SBNO2: variants seen among roughly 807,000 people sequenced by gnomAD.
The protein encoded by SBNO2 is strawberry notch homolog 2.
SBNO2 carries 89 observed loss-of-function variants against 146.3 expected under a neutral mutation model. The ratio of observed to expected loss-of-function variants is 0.61; its 90% confidence interval spans 0.51 to 0.73. The LOEUF (loss-of-function observed/expected upper bound fraction) is 0.73, where lower values mean the gene tolerates loss of function less well. Among genes scored for constraint, SBNO2 ranks in the 30% least tolerant of loss-of-function variants. SBNO2 has a pLI of 0.00. For synonymous variants in SBNO2, 1,147 were observed against 892.6 expected, an observed-to-expected ratio of 1.29 and a Z score of -5.08; for missense variants, 2,092 against 2,003.7, an observed-to-expected ratio of 1.04 and a Z score of -0.84.
chr19:1,170,361 A>G (rs1599891679), intron 1 of SBNO2, among the ~76,000 whole-genome samples: 1 of 152,186 alleles, frequency 6.6e-6, no homozygotes, highest in South Asian at 2.1e-4. Context: ...TCCCAGCCCG[A>G]GGGTGCAGGT....
intron 4 of SBNO2, among the ~76,000 whole-genome samples, chr19:1,141,249 C>G (rs1352458477): frequency 6.6e-6 from 1 of 151,716 alleles, no homozygotes; most frequent in African/African-American, 2.4e-5. Context: ...GAGTCTTGCT[C>G]TGTCACCCAG....
intron 4 of SBNO2, among the ~76,000 whole-genome samples, chr19:1,129,294 G>A (rs544923638): frequency 2.0e-5 from 3 of 152,102 alleles, no homozygotes; most frequent in Admixed American, 2.0e-4. Flanking sequence ...AAAAAAACCA[G>A]GCATGTCAAG....
In SBNO2 at chr19:1,110,510, C is replaced by T. The variant is rs1015207390; in HGVS notation, c.3028+235G>A. On this transcript the variant is annotated intron_variant, in intron 26 of 31. Coordinates refer to ENST00000361757, the MANE Select transcript of SBNO2 (RefSeq NM_014963.3). This position sits in a 1 kb window ranked among gnomAD's most constrained non-coding sequence, Gnocchi z 4.9. ...CCACGAGCCCCTTGCCCACCTAGGC[C>T]CTCGCCGTGCTCACCCACAATGCAC... Among the ~76,000 whole-genome samples, 6 of 151,662 alleles carry T rather than the reference C, an allele frequency of 4.0e-5. No homozygotes were observed. Among genetic ancestry groups the T allele is most frequent in the African/African-American group, 1.5e-4 (6 of 41,264 alleles).
intron 4 of SBNO2, among the ~76,000 whole-genome samples, chr19:1,142,967 G>GA (rs913747561): frequency 5.9e-5 from 9 of 151,820 alleles, no homozygotes; most frequent in Admixed American, 5.3e-4. Context: ...TCGGTCTCCA[G>GA]AAAAAAAAGT....
At chr19:1,118,821 G>A (rs992597741) in intron 14 of SBNO2, among the ~76,000 whole-genome samples, 190 bp downstream of exon 14, 3 of 152,014 alleles carry the variant, frequency 2.0e-5, no homozygotes. Flanking sequence ...GCAGTGAACT[G>A]AGATCACACC....
chr19:1,142,433 G>A (rs1448234912), intron 4 of SBNO2, among the ~76,000 whole-genome samples: 1 of 152,246 alleles, frequency 6.6e-6, no homozygotes, highest in African/African-American at 2.4e-5. Context: ...TCAGGGCTCA[G>A]GTGTATCAAT....
intron 1 of SBNO2, among the ~76,000 whole-genome samples, chr19:1,165,729 T>C (rs74176365): frequency 0.022 from 130 of 5,846 alleles, no homozygotes; most frequent in Admixed American, 0.037. Flanking sequence ...ACCCCAGATC[T>C]CAGACTCCAG....
chr19:1,148,148 A>G (rs1432743517), intron 3 of SBNO2, among the ~76,000 whole-genome samples: 1 of 151,910 alleles, frequency 6.6e-6, no homozygotes, highest in African/African-American at 2.4e-5. Context: ...CAGGGCTGGC[A>G]GCAGGTCCAG....
At chr19:1,116,798 C>A (rs367860432) in intron 16 of SBNO2, 31 bp downstream of exon 16, 1 of 1,537,058 alleles carries the variant, frequency 6.5e-7, no homozygotes. Context: ...GCGCAGGAAG[C>A]CCACAGTCCT....
intron 4 of SBNO2, among the ~76,000 whole-genome samples, chr19:1,142,548 C>T (rs574534764): frequency 7.3e-5 from 11 of 151,548 alleles, no homozygotes; most frequent in East Asian, 2.0e-4. Context: ...GGCGTGGTGG[C>T]GCACACCTAT....
chr19:1,169,834 G>A (rs769259710), intron 1 of SBNO2, among the ~76,000 whole-genome samples: 6 of 152,132 alleles, frequency 3.9e-5, no homozygotes, highest in Admixed American at 6.5e-5. Flanking sequence ...ATGACTCAAC[G>A]GTTTCAACGT....
rs575561785 is a variant in SBNO2 at position 1,126,713 on chromosome 19, C to T, written c.441+891G>A. On this transcript the variant is annotated intron_variant, in intron 5 of 31. Coordinates refer to ENST00000361757, the MANE Select transcript of SBNO2 (RefSeq NM_014963.3). The surrounding 1 kb of genome is among the most constrained non-coding windows in gnomAD (Gnocchi z 4.4). Reference sequence around the variant, plus strand: ...TGTGAGCCCACCACTGTGCCGGGAGCGTGCGGAGGCTGGCATGGGCCCTCA... The same window carrying T: ...TGTGAGCCCACCACTGTGCCGGGAGTGTGCGGAGGCTGGCATGGGCCCTCA... 1.5e-4 allele frequency among the ~76,000 whole-genome samples: 23 copies of T among 152,314 alleles called. No homozygotes were observed. The highest frequency in any genetic ancestry group is 6.8e-3 in the Middle Eastern group (2 of 294).
Position 1,110,857 on chromosome 19 carries a change from G to A in SBNO2, c.2916C>T (p.Ile972=), listed in dbSNP as rs2145188601. Residue 972 remains isoleucine (I), a synonymous_variant, in exon 26 of 32, where the codon ATC becomes ATT. Coordinates refer to ENST00000361757, the MANE Select transcript of SBNO2 (RefSeq NM_014963.3). This position sits in a 1 kb window ranked among gnomAD's most constrained non-coding sequence, Gnocchi z 4.9. ...DCSITKFLNR[I]LGLEVHKQNA... ...TCTGCTTGTGCACCTCCAGCCCCAG[G>A]ATGCGGTTCAGGAACTTGGTGATGG... 6.2e-7 allele frequency: 1 copy of A among 1,613,750 alleles called. No individual in the cohort carries two copies. The highest frequency in any genetic ancestry group is 8.5e-7 in the Non-Finnish European group (1 of 1,179,764).
chr19:1,171,851 C>T (rs1225604568), intron 1 of SBNO2, among the ~76,000 whole-genome samples: 1 of 152,186 alleles, frequency 6.6e-6, no homozygotes, highest in Non-Finnish European at 1.5e-5. Context: ...CATGGTCACG[C>T]GGCTGGAGAA....
rs562258656 is a variant in SBNO2 at position 1,140,372 on chromosome 19, C to T, written c.279+6937G>A. 3.9e-5 allele frequency among the ~76,000 whole-genome samples: 6 copies of T among 152,100 alleles called. No individual in the cohort carries two copies. The South Asian group carries it at 1.2e-3, about 32-fold the overall frequency. On this transcript the variant is annotated intron_variant, in intron 4 of 31. Coordinates refer to ENST00000361757, the MANE Select transcript of SBNO2 (RefSeq NM_014963.3). This position sits in a 1 kb window ranked among gnomAD's most constrained non-coding sequence, Gnocchi z 4.4. ...ACCACGGTTCACCTGCACACCGCGGCAGGGGGCCCCACCAGGACACACGGG... is the reference window on the plus strand; with the variant it reads ...ACCACGGTTCACCTGCACACCGCGGTAGGGGGCCCCACCAGGACACACGGG...
In SBNO2 at chr19:1,157,201, C is replaced by A. The variant is rs1358491854; in HGVS notation, c.-126-2799G>T. On this transcript the variant is annotated intron_variant, in intron 1 of 31. Transcript: ENST00000361757. This position sits in a 1 kb window ranked among gnomAD's most constrained non-coding sequence, Gnocchi z 6.8. ...ACCCTTCCCCCATTGACTCCGCCGC[C>A]GTTTCTTGCAGCAGCTGTGACCACG... Among the ~76,000 whole-genome samples the A allele has an allele frequency of 6.6e-6, 1 of 152,158 alleles. No homozygotes were observed. The highest frequency in any genetic ancestry group is 6.5e-5 in the Admixed American group (1 of 15,278).
intron 14 of SBNO2, among the ~76,000 whole-genome samples, chr19:1,117,784 G>A (rs760699098): frequency 1.3e-5 from 2 of 152,252 alleles, no homozygotes; most frequent in African/African-American, 4.8e-5. Context: ...CAGGGTGCTC[G>A]CAGCCACGCC....
rs1347577182 is a variant in SBNO2, at chr19:1,112,178, C to T, written c.2628+11G>A. The stretch of plus-strand genomic sequence containing the variant: ...TGTCCCTGGTTCTCAGCCCCACCCC[C>T]ACCTGCTCACCAGACTCTCCAGGCG... On this transcript the variant is annotated intron_variant, in intron 22 of 31. Transcript: ENST00000361757. This position sits in a 1 kb window ranked among gnomAD's most constrained non-coding sequence, Gnocchi z 5.9. 6 of 1,583,166 alleles carry T rather than the reference C, an allele frequency of 3.8e-6. No homozygotes were observed. The highest frequency in any genetic ancestry group is 1.7e-4 in the Middle Eastern group (1 of 6,024).
chr19:1,108,317 T>TC lies in SBNO2; in HGVS notation c.4003dup (p.Glu1335GlyfsTer37), dbSNP rs2079698901. On this transcript the variant is annotated frameshift_variant, in exon 32 of 32. Transcript: ENST00000361757. LOFTEE classifies it low-confidence loss of function (END_TRUNC). Reference sequence around the variant, plus strand: ...CGCCGCGCCCCCCGCCCCCGCGCCCTCCCCCAGCGCGCCCTCGGAGGGCGG... The same window carrying TC: ...CGCCGCGCCCCCCGCCCCCGCGCCCTCCCCCCAGCGCGCCCTCGGAGGGCGG... 4 of 1,413,998 alleles carry TC rather than the reference T, an allele frequency of 2.8e-6. No individual in the cohort carries two copies. Among genetic ancestry groups the TC allele is most frequent in the Non-Finnish European group, 3.7e-6 (4 of 1,075,816 alleles). 87.6% of individuals were successfully genotyped at this position (1,413,998 alleles called of 1,614,324 possible). A position where few individuals can be genotyped will look rare whatever the true frequency, so the allele number is the denominator to read the frequency against.
Sources: gnomAD v4.1 joint callset for allele counts (sites outside exome capture counted in the v4.1 genomes callset) on GRCh38, gnomAD v4.1.1 for gene constraint, Gnocchi (gnomAD v3.1) non-coding constraint, MANE v1.5 for transcripts, NCBI Gene and HGNC (gene_info 2026-07-23, HGNC 2026-07-21) for gene names.